The following LINGO2 variants were observed in gnomAD, a reference collection of about 807,000 sequenced individuals.
LINGO2 encodes the protein leucine-rich repeat and immunoglobulin-like domain-containing nogo receptor-interacting protein 2.
LINGO2 carries 14 observed loss-of-function variants against 30.6 expected under a neutral mutation model. That is an observed-to-expected ratio of 0.46 (90% confidence interval 0.30 to 0.72). The LOEUF is 0.72. Among genes scored for constraint, LINGO2 ranks in the 30% least tolerant of loss-of-function variants. The pLI is 0.07. For missense variants in LINGO2, 729 were observed against 751.7 expected (o/e 0.97, Z 0.35); for synonymous variants, 317 against 288.5 (o/e 1.10, Z -1.00).
At chr9:29,097,790 C>G in the LINGO2 span, among the ~76,000 whole-genome samples, 1 of 138,830 alleles carries the variant, frequency 7.2e-6, no homozygotes, top group Non-Finnish European at 1.6e-5. Flanking sequence ...CAGCAGGATG[C>G]ACTTCCAGAA....
chr9:29,187,222 C>G, the LINGO2 span, among the ~76,000 whole-genome samples: 1 of 152,132 alleles, frequency 6.6e-6, no homozygotes, highest in Non-Finnish European at 1.5e-5. Context: ...CAGTGAAATT[C>G]TAATTACATC....
rs147483812 is a variant in LINGO2, at chr9:27,970,879, G to T, written c.-35-20173C>A. Among the ~76,000 whole-genome samples the T allele has an allele frequency of 3.0e-4, 46 of 150,996 alleles. No individual in the cohort carries two copies. In the East Asian group the frequency reaches 8.3e-3, roughly 27 times the overall value. On this transcript the variant is annotated intron_variant, in intron 5 of 5. Coordinates refer to ENST00000379992, the Ensembl canonical transcript of LINGO2. ...ACATGGAAAGAGAATAGGGCATTTT[G>T]AATAGCCATATCTGAGAGCAATTTC...
chr9:28,883,935 C>T, the LINGO2 span, among the ~76,000 whole-genome samples: 1 of 151,060 alleles, frequency 6.6e-6, no homozygotes, highest in Non-Finnish European at 1.5e-5. Flanking sequence ...GCCTCAGCCT[C>T]CCAAAGTGCT....
intron 4 of LINGO2, among the ~76,000 whole-genome samples, chr9:28,197,088 GGAGA>G (rs1820040721): frequency 6.6e-6 from 1 of 151,938 alleles, no homozygotes; most frequent in South Asian, 2.1e-4. Flanking sequence ...AAATCCTTGA[GGAGA>G]TAGATAATTT....
rs578048727 is a variant in LINGO2, at chr9:28,104,467, A to G, written c.-86-92062T>C. Reference sequence around the variant, plus strand: ...ACTCAGATTCTCCCTCTATGATCTCATATTTTGTATGAGGCGCAAACCTAA... The same window carrying G: ...ACTCAGATTCTCCCTCTATGATCTCGTATTTTGTATGAGGCGCAAACCTAA... On this transcript the variant is annotated intron_variant, in intron 4 of 5. Transcript: ENST00000379992. 5.9e-5 allele frequency among the ~76,000 whole-genome samples: 9 copies of G among 151,722 alleles called. No individual in the cohort carries two copies. In the South Asian group the frequency reaches 1.9e-3, roughly 32 times the overall value.
chr9:28,487,522 T>A (rs1166194027), intron 1 of LINGO2, among the ~76,000 whole-genome samples: 1 of 152,176 alleles, frequency 6.6e-6, no homozygotes, highest in East Asian at 1.9e-4. Flanking sequence ...AGAGCCAATT[T>A]ATTATAATCA....
At position 28,420,867 on chromosome 9, in the gene LINGO2, C is replaced by T. The variant is rs577610246; in HGVS notation, c.-278-47999G>A. On this transcript the variant is annotated intron_variant, in intron 2 of 5. Transcript: ENST00000379992. ...ATTCATCATTCTTTTGTGGCCATGT[C>T]GAGAGGGACTAGATTTTCCCATCAG... 5.9e-5 allele frequency among the ~76,000 whole-genome samples: 9 copies of T among 151,906 alleles called. No homozygotes were observed. In the East Asian group the frequency reaches 1.6e-3, roughly 26 times the overall value.
At chr9:28,217,396 A>C (rs963953981) in intron 4 of LINGO2, among the ~76,000 whole-genome samples, 1 of 151,908 alleles carries the variant, frequency 6.6e-6, no homozygotes, top group Non-Finnish European at 1.5e-5. Flanking sequence ...GAAAATAAAG[A>C]CAACTGAAAT....
At position 28,009,732 on chromosome 9, in the gene LINGO2, G is replaced by A. The variant is rs1822460510; in HGVS notation, c.-36+2623C>T. Among the ~76,000 whole-genome samples the A allele has an allele frequency of 3.3e-5, 5 of 152,108 alleles. No individual in the cohort carries two copies. In the South Asian group the frequency reaches 8.3e-4, roughly 25 times the overall value. On this transcript the variant is annotated intron_variant, in intron 5 of 5. Transcript: ENST00000379992. ...TAGCAACAAGTGTTGACAATGATGT[G>A]GAGATATGGGAACTCTCATATATTC...
At chr9:28,906,610 A>G in the LINGO2 span, among the ~76,000 whole-genome samples, 1 of 151,880 alleles carries the variant, frequency 6.6e-6, no homozygotes, top group African/African-American at 2.4e-5. Flanking sequence ...AATCAGTACA[A>G]TCCATCTACA....
chr9:28,159,386 G>A (rs1212703023), intron 4 of LINGO2, among the ~76,000 whole-genome samples: 1 of 152,162 alleles, frequency 6.6e-6, no homozygotes, highest in Admixed American at 6.5e-5. Context: ...CACATGTGCA[G>A]CTTTTATTTT....
chr9:28,640,760 C>T (rs895668176), intron 1 of LINGO2, among the ~76,000 whole-genome samples: 2 of 152,042 alleles, frequency 1.3e-5, no homozygotes, highest in African/African-American at 4.8e-5. Flanking sequence ...ACTTCTTTGC[C>T]ATGGGTTCGA....
At chr9:28,176,380 A>G (rs1333678183) in intron 4 of LINGO2, among the ~76,000 whole-genome samples, 1 of 152,188 alleles carries the variant, frequency 6.6e-6, no homozygotes, top group African/African-American at 2.4e-5. Flanking sequence ...CTATAGCACC[A>G]TGGTACTTTG....
the LINGO2 span, among the ~76,000 whole-genome samples, chr9:28,836,720 C>G: frequency 6.6e-6 from 1 of 151,242 alleles, no homozygotes; most frequent in Non-Finnish European, 1.5e-5. Context: ...CATCAGAACT[C>G]TCAAACAATC....
chr9:28,744,676 G>A, the LINGO2 span, among the ~76,000 whole-genome samples: 5 of 131,404 alleles, frequency 3.8e-5, no homozygotes, highest in Admixed American at 3.6e-4. Context: ...TCTCACTGTC[G>A]CTGAGGCTGG....
At chr9:28,713,263 A>G in the LINGO2 span, among the ~76,000 whole-genome samples, 1 of 152,154 alleles carries the variant, frequency 6.6e-6, no homozygotes, top group Admixed American at 6.5e-5. Flanking sequence ...TTCTGTACAC[A>G]TATACAAACG....
At chr9:28,958,413 A>G in the LINGO2 span, among the ~76,000 whole-genome samples, 1 of 152,200 alleles carries the variant, frequency 6.6e-6, no homozygotes, top group African/African-American at 2.4e-5. Context: ...AAGATAATAC[A>G]GTAATGGCAA....
intron 5 of LINGO2, among the ~76,000 whole-genome samples, chr9:28,004,633 T>G (rs1307578839): frequency 1.3e-5 from 2 of 151,982 alleles, no homozygotes; most frequent in Admixed American, 6.5e-5. Flanking sequence ...AGTAGTTTTT[T>G]TTCCCCAGAG....
chr9:28,781,564 C>T, the LINGO2 span, among the ~76,000 whole-genome samples: 1 of 152,150 alleles, frequency 6.6e-6, no homozygotes, highest in Non-Finnish European at 1.5e-5. Flanking sequence ...ACTCCATTGT[C>T]TCTCATAATT....
Sources: allele counts gnomAD v4.1 joint callset (sites outside exome capture counted in the v4.1 genomes callset), GRCh38; gene constraint gnomAD v4.1.1; transcripts MANE v1.5; gene names NCBI Gene and HGNC (gene_info 2026-07-23, HGNC 2026-07-21).